DLG2: variants seen among roughly 807,000 people sequenced by gnomAD.
The protein encoded by DLG2 is discs large MAGUK scaffold protein 2, also known as disks large homolog 2.
In DLG2, 45 loss-of-function variants were observed where a neutral mutation model predicts 132.5. The observed-to-expected ratio is 0.34, with a 90% CI of 0.27 to 0.44. The LOEUF (loss-of-function observed/expected upper bound fraction) is 0.44. DLG2 is among the 20% of genes least tolerant of loss of function. The pLI, the probability that DLG2 is intolerant of heterozygous loss-of-function variation, is 1.00. For synonymous variants in DLG2, 424 were observed against 419.6 expected (o/e 1.01, Z -0.13); for missense variants, 1,045 against 1,196.9 (o/e 0.87, Z 1.87).
intron 6 of DLG2, among the ~76,000 whole-genome samples, chr11:84,916,102 T>C (rs1038678542): frequency 4.0e-4 from 61 of 151,986 alleles, no homozygotes; most frequent in African/African-American, 1.5e-3. Flanking sequence ...TCCCAGCACT[T>C]TGGGAGGCCG....
At chr11:83,481,818 TTTG>T (rs1452786757) in intron 22 of DLG2, among the ~76,000 whole-genome samples, 25 of 151,602 alleles carry the variant, frequency 1.6e-4, no homozygotes, top group African/African-American at 3.2e-4. Flanking sequence ...GACAGGGCTT[TTTG>T]TTGTTGTTGC....
At chr11:84,969,547 T>A (rs1285462729) in intron 6 of DLG2, among the ~76,000 whole-genome samples, 3 of 152,254 alleles carry the variant, frequency 2.0e-5, no homozygotes, top group Non-Finnish European at 4.4e-5. Flanking sequence ...GAGTTCCGTT[T>A]ATTTTTCCTT....
chr11:84,975,725 C>G (rs1214968276), intron 6 of DLG2, among the ~76,000 whole-genome samples: 4 of 152,120 alleles, frequency 2.6e-5, no homozygotes, highest in Non-Finnish European at 5.9e-5. Flanking sequence ...CATTTTCAAA[C>G]CAAAATAAAG....
At position 84,140,727 on chromosome 11, in the gene DLG2, C is replaced by A. The variant is rs553449642; in HGVS notation, c.624+22734G>T. On this transcript the variant is annotated intron_variant, in intron 9 of 27. Coordinates refer to ENST00000376104, the MANE Select transcript of DLG2 (RefSeq NM_001142699.3). ...CTATCTACCTACTGTTTTCATCTTT[C>A]TCTCTCAGCTGCTTTCAGGCTTTCA... Among the ~76,000 whole-genome samples the A allele has an allele frequency of 3.3e-5, 5 of 152,258 alleles. No homozygotes were observed. In the East Asian group the frequency reaches 7.7e-4, roughly 24 times the overall value.
At chr11:83,894,951 G>C (rs1481480937) in intron 15 of DLG2, among the ~76,000 whole-genome samples, 1 of 149,914 alleles carries the variant, frequency 6.7e-6, no homozygotes, top group Non-Finnish European at 1.5e-5. Context: ...TTCCATCCAT[G>C]TTGTTGCAAA....
At chr11:85,195,253 C>G (rs1565140555) in intron 4 of DLG2, among the ~76,000 whole-genome samples, 1 of 152,118 alleles carries the variant, frequency 6.6e-6, no homozygotes. Context: ...TTTTAGTGCA[C>G]TGCAGTAAGA....
At chr11:84,072,224 CA>C (rs2096768617) in intron 10 of DLG2, among the ~76,000 whole-genome samples, 1 of 152,198 alleles carries the variant, frequency 6.6e-6, no homozygotes, top group Non-Finnish European at 1.5e-5. Context: ...AGTCTTTCCA[CA>C]ATCTGATTGC....
At chr11:84,817,044 T>C (rs1299155000) in intron 6 of DLG2, among the ~76,000 whole-genome samples, 1 of 151,984 alleles carries the variant, frequency 6.6e-6, no homozygotes, top group Non-Finnish European at 1.5e-5. Flanking sequence ...GCACATTAGA[T>C]AATGGATGTG....
intron 7 of DLG2, among the ~76,000 whole-genome samples, chr11:84,259,491 G>T (rs929190730): frequency 6.6e-6 from 1 of 152,052 alleles, no homozygotes; most frequent in African/African-American, 2.4e-5. Flanking sequence ...AAGACCGCTG[G>T]ACTTACTGAG....
At chr11:83,550,468 C>A (rs570212418) in intron 19 of DLG2, among the ~76,000 whole-genome samples, 2 of 152,256 alleles carry the variant, frequency 1.3e-5, no homozygotes, top group South Asian at 4.2e-4. Flanking sequence ...TTCAGGCTGT[C>A]CTGGCAGTCT....
At chr11:84,941,134 G>A (rs919889347) in intron 6 of DLG2, among the ~76,000 whole-genome samples, 1 of 152,116 alleles carries the variant, frequency 6.6e-6, no homozygotes. Context: ...CTATAGCTCT[G>A]TAGTATAATT....
At chr11:83,930,139 G>C (rs896062362) in intron 15 of DLG2, among the ~76,000 whole-genome samples, 189 bp downstream of exon 15, 3 of 152,134 alleles carry the variant, frequency 2.0e-5, no homozygotes, top group Non-Finnish European at 4.4e-5. Context: ...GATCACTCCA[G>C]GGAATAAAAC....
rs1215707781 is a variant in DLG2 at position 83,480,566 on chromosome 11, AAAG to A, written c.2293+3560_2293+3562del. On this transcript the variant is annotated intron_variant, in intron 22 of 27. Coordinates refer to ENST00000376104, the MANE Select transcript of DLG2 (RefSeq NM_001142699.3). ...TGCATTAAGAAAACTCAGATAAGAT[AAAG>A]AAGATGAAAACTTTATCTCCATTTT... The A allele has an allele frequency of 7.8e-6, 12 of 1,544,422 alleles. No individual in the cohort carries two copies. In the African/African-American group the frequency reaches 1.1e-4, roughly 14 times the overall value.
intron 5 of DLG2, among the ~76,000 whole-genome samples, chr11:85,150,699 AGTGTGTGTGT>A (rs71036459): frequency 0.044 from 5,585 of 127,292 alleles, 125 homozygotes; most frequent in South Asian, 0.086. Flanking sequence ...AAGGCTACAT[AGTGTGTGTGT>A]GTGTGTGTGT....
chr11:84,082,549 G>T (rs2096920072), intron 10 of DLG2, among the ~76,000 whole-genome samples: 1 of 152,220 alleles, frequency 6.6e-6, no homozygotes, highest in Non-Finnish European at 1.5e-5. Flanking sequence ...AGAGCTAAAA[G>T]AATATGGGTG....
At chr11:85,235,067 T>C (rs547792153) in intron 4 of DLG2, among the ~76,000 whole-genome samples, 81 of 152,114 alleles carry the variant, frequency 5.3e-4, no homozygotes, top group African/African-American at 1.9e-3. Context: ...AAATTCTCAA[T>C]TTCAACTCAG....
intron 3 of DLG2, among the ~76,000 whole-genome samples, chr11:85,475,334 C>A (rs2153081871): frequency 6.6e-6 from 1 of 151,906 alleles, no homozygotes; most frequent in East Asian, 1.9e-4. Flanking sequence ...TATAAACATT[C>A]TAAAAAATAG....
chr11:83,654,017 G>A (rs1268236921), intron 18 of DLG2, among the ~76,000 whole-genome samples: 2 of 152,108 alleles, frequency 1.3e-5, no homozygotes, highest in Non-Finnish European at 2.9e-5. Flanking sequence ...ACCGCGCCTG[G>A]CCAAGAATTT....
At chr11:85,612,343 A>C (rs1374958702) in intron 2 of DLG2, among the ~76,000 whole-genome samples, 1 of 152,240 alleles carries the variant, frequency 6.6e-6, no homozygotes, top group Non-Finnish European at 1.5e-5. Flanking sequence ...ACCTAGGAGG[A>C]ACTCCCTTCA....
Sources: allele counts gnomAD v4.1 joint callset (sites outside exome capture counted in the v4.1 genomes callset), GRCh38; gene constraint gnomAD v4.1.1; transcripts MANE v1.5; gene names NCBI Gene and HGNC (gene_info 2026-07-23, HGNC 2026-07-21).